Variants in PCSK5 observed in about 807,000 individuals in gnomAD.
PCSK5 encodes the protein proprotein convertase subtilisin/kexin type 5.
Under a neutral mutation model 233.2 loss-of-function variants are expected in PCSK5, and 129 were observed. That is an observed-to-expected ratio of 0.55 (90% CI 0.48 to 0.64). PCSK5 has a LOEUF of 0.64. PCSK5 is among the 30% of genes least tolerant of loss of function. PCSK5 has a pLI of 0.00. For synonymous variants in PCSK5, 825 were observed against 879.2 expected, an observed-to-expected ratio of 0.94 and a Z score of 1.09; for missense variants, 2,076 against 2,430.1, an observed-to-expected ratio of 0.85 and a Z score of 3.06.
intron 24 of PCSK5, among the ~76,000 whole-genome samples, chr9:76,283,950 C>T (rs1050001911): frequency 6.6e-6 from 1 of 152,122 alleles, no homozygotes; most frequent in Non-Finnish European, 1.5e-5. Flanking sequence ...TATGTACATG[C>T]GAGTCAGAGA....
At chr9:76,149,899 T>G (rs1823593415) in intron 10 of PCSK5, among the ~76,000 whole-genome samples, 4 of 152,234 alleles carry the variant, frequency 2.6e-5, no homozygotes, top group Non-Finnish European at 4.4e-5. Flanking sequence ...AATCTGACAC[T>G]TTTTTCTTTT....
chr9:75,957,464 T>C (rs1001438172), intron 2 of PCSK5, among the ~76,000 whole-genome samples: 2 of 152,168 alleles, frequency 1.3e-5, no homozygotes, highest in African/African-American at 4.8e-5. Context: ...CTACACTTGA[T>C]GACTTGTGGG....
chr9:76,194,695 T>TG (rs1350265996), intron 20 of PCSK5: 1 of 456,470 alleles, frequency 2.2e-6, no homozygotes, highest in Admixed American at 2.5e-5. Context: ...GGAAACTATT[T>TG]GGATTAGTGG....
chr9:76,063,902 G>A (rs1437012337), intron 5 of PCSK5, among the ~76,000 whole-genome samples: 1 of 64,842 alleles, frequency 1.5e-5, no homozygotes, highest in Non-Finnish European at 2.8e-5. Context: ...CCCAGTAGGG[G>A]CAGCTGGGCA....
chr9:76,046,915 G>T (rs1042859596), intron 5 of PCSK5, among the ~76,000 whole-genome samples: 4 of 151,944 alleles, frequency 2.6e-5, no homozygotes, highest in Non-Finnish European at 5.9e-5. Flanking sequence ...TCTTCTCTTG[G>T]GGATAAAAAG....
rs191920431 is a variant in PCSK5, at chr9:76,146,988, C to A, written c.1313-10057C>A. Among the ~76,000 whole-genome samples, 15 of 152,244 alleles carry A rather than the reference C, an allele frequency of 9.9e-5. No homozygotes were observed. In the East Asian group the frequency reaches 2.7e-3, roughly 27 times the overall value. On this transcript the variant is annotated intron_variant, in intron 10 of 37. Transcript: ENST00000674117. Reference sequence around the variant, plus strand: ...CCTATAAAATTTCCCCTCAGCCTCTCATTTTGTGAAGCATGCTCAATGCAT... The same window carrying A: ...CCTATAAAATTTCCCCTCAGCCTCTAATTTTGTGAAGCATGCTCAATGCAT...
chr9:76,180,075 A>G (rs73458380), intron 15 of PCSK5, among the ~76,000 whole-genome samples: 40,930 of 126,100 alleles, frequency 0.32, 6,348 homozygotes, highest in Middle Eastern at 0.48. Context: ...TTATATATAT[A>G]TGTGTGTGTG....
chr9:75,938,631 G>T (rs1270379995), intron 2 of PCSK5, among the ~76,000 whole-genome samples: 1 of 152,194 alleles, frequency 6.6e-6, no homozygotes, highest in Non-Finnish European at 1.5e-5. Flanking sequence ...GCAATAAAGA[G>T]AAGTGCAATA....
intron 10 of PCSK5, among the ~76,000 whole-genome samples, chr9:76,142,173 C>G (rs1181663080): frequency 6.6e-6 from 1 of 151,630 alleles, no homozygotes; most frequent in African/African-American, 2.4e-5. Flanking sequence ...AAAAGTATAT[C>G]AGGCATTCAT....
At chr9:76,277,443 A>G (rs1827729969) in intron 24 of PCSK5, among the ~76,000 whole-genome samples, 1 of 152,174 alleles carries the variant, frequency 6.6e-6, no homozygotes, top group Admixed American at 6.5e-5. Context: ...ATATTCCATC[A>G]CTGGAATTAG....
intron 7 of PCSK5, among the ~76,000 whole-genome samples, chr9:76,092,149 TC>T (rs1326341562): frequency 1.3e-5 from 2 of 152,106 alleles, no homozygotes; most frequent in African/African-American, 2.4e-5. Context: ...ACGTCCTACC[TC>T]TTAAGGGCAA....
intron 30 of PCSK5, among the ~76,000 whole-genome samples, 198 bp downstream of exon 30, chr9:76,311,049 C>CTATTTATG (rs1828851835): frequency 6.6e-6 from 1 of 152,182 alleles, no homozygotes; most frequent in Admixed American, 6.5e-5. Context: ...TCCTCTGTGA[C>CTATTTATG]TATTTTATGT....
intron 1 of PCSK5, among the ~76,000 whole-genome samples, chr9:75,922,056 T>C (rs1823281412): frequency 6.6e-6 from 1 of 152,178 alleles, no homozygotes; most frequent in Non-Finnish European, 1.5e-5. Flanking sequence ...GGGACTGTGT[T>C]TTGTTCACTC....
chr9:76,060,402 T>C (rs1246300014), intron 5 of PCSK5, among the ~76,000 whole-genome samples: 1 of 152,120 alleles, frequency 6.6e-6, no homozygotes, highest in Non-Finnish European at 1.5e-5. Context: ...TTAGTATTCA[T>C]TAAGTGGAAA....
chr9:76,112,921 A>G (rs551755683), intron 9 of PCSK5, among the ~76,000 whole-genome samples: 9 of 152,308 alleles, frequency 5.9e-5, no homozygotes, highest in South Asian at 4.1e-4. Flanking sequence ...AGAAATTTGT[A>G]TCCTCCACGA....
chr9:75,936,051 G>A (rs1271372882), intron 2 of PCSK5, among the ~76,000 whole-genome samples: 6 of 152,204 alleles, frequency 3.9e-5, no homozygotes, highest in Non-Finnish European at 8.8e-5. Flanking sequence ...TAAAAGTTAT[G>A]TTCATACTAT....
intron 8 of PCSK5, among the ~76,000 whole-genome samples, chr9:76,100,927 G>A (rs79657298): frequency 0.01 from 1,554 of 152,144 alleles, 18 homozygotes; most frequent in South Asian, 0.033. Context: ...GCAAAGTCCC[G>A]TCTGTTAGAA....
intron 1 of PCSK5, among the ~76,000 whole-genome samples, chr9:75,912,794 G>T (rs570334669): frequency 6.6e-6 from 1 of 152,270 alleles, no homozygotes; most frequent in East Asian, 1.9e-4. Context: ...TCAGCTTGCC[G>T]TAGTTTCAGT....
chr9:76,118,784 G>A (rs956059070), intron 9 of PCSK5, among the ~76,000 whole-genome samples: 2 of 151,740 alleles, frequency 1.3e-5, no homozygotes, highest in African/African-American at 2.4e-5. Flanking sequence ...TAAATCAAAT[G>A]TCTCCCTACA....
Sources: allele counts gnomAD v4.1 joint callset (sites outside exome capture counted in the v4.1 genomes callset), GRCh38; gene constraint gnomAD v4.1.1; transcripts MANE v1.5; gene names NCBI Gene and HGNC (gene_info 2026-07-23, HGNC 2026-07-21).